TTC28: variants seen among roughly 807,000 people sequenced by gnomAD.
TTC28 encodes tetratricopeptide repeat domain 28, also known as tetratricopeptide repeat protein 28.
TTC28 carries 61 observed loss-of-function variants against 198.0 expected under a neutral mutation model. That is an observed-to-expected ratio of 0.31 (90% confidence interval 0.25 to 0.38). The LOEUF is 0.38. Ranked by LOEUF, TTC28 falls within the 10% of genes least tolerant of loss-of-function variation. The pLI is 1.00. For synonymous variants in TTC28, 1,171 were observed against 1,297.8 expected (o/e 0.90, Z 2.10); for missense variants, 2,678 against 3,164.0 (o/e 0.85, Z 3.69).
At chr22:28,673,705 GGTTA>G (rs1281770957) in intron 1 of TTC28, among the ~76,000 whole-genome samples, 35 of 152,250 alleles carry the variant, frequency 2.3e-4, no homozygotes, top group African/African-American at 8.4e-4. Flanking sequence ...ATAGAAAACT[GGTTA>G]GTGTTTGTTT....
At chr22:28,164,696 T>C (rs1391401824) in intron 5 of TTC28, among the ~76,000 whole-genome samples, 4 of 151,906 alleles carry the variant, frequency 2.6e-5, no homozygotes, top group African/African-American at 9.7e-5. Context: ...ATGGGGAAAA[T>C]ACAAAGCAGA....
chr22:28,112,907 A>G (rs73166793), intron 6 of TTC28, among the ~76,000 whole-genome samples: 5,262 of 152,218 alleles, frequency 0.035, 133 homozygotes, highest in Middle Eastern at 0.061. Flanking sequence ...GAAAGGACAC[A>G]TGGTTATGAA....
intron 2 of TTC28, among the ~76,000 whole-genome samples, chr22:28,408,483 C>T (rs1430201344): frequency 6.6e-6 from 1 of 152,076 alleles, no homozygotes; most frequent in Non-Finnish European, 1.5e-5. Flanking sequence ...CTCTGCTGCG[C>T]AGGTTCAAGC....
intron 5 of TTC28, among the ~76,000 whole-genome samples, chr22:28,256,996 C>T (rs1052302405): frequency 2.0e-5 from 3 of 152,192 alleles, no homozygotes; most frequent in African/African-American, 7.2e-5. Context: ...GCTATGATCA[C>T]ACCACTATAC....
chr22:28,372,747 G>A (rs958106107), intron 2 of TTC28, among the ~76,000 whole-genome samples: 5 of 152,080 alleles, frequency 3.3e-5, no homozygotes, highest in Non-Finnish European at 2.9e-5. Context: ...TGGCCCAGCT[G>A]GCAAACATCT....
chr22:28,593,590 C>T (rs1288885989), intron 2 of TTC28, among the ~76,000 whole-genome samples: 1 of 147,928 alleles, frequency 6.8e-6, no homozygotes. Context: ...TCATCAAATA[C>T]CCGGGAGGGT....
chr22:28,095,747 TA>T (rs1454901588), intron 11 of TTC28, among the ~76,000 whole-genome samples: 1 of 152,214 alleles, frequency 6.6e-6, no homozygotes, highest in Middle Eastern at 3.2e-3. Flanking sequence ...ATTTCAAGCA[TA>T]AGACTTATTT....
At chr22:28,646,547 G>T (rs570244485) in intron 1 of TTC28, among the ~76,000 whole-genome samples, 1 of 152,156 alleles carries the variant, frequency 6.6e-6, no homozygotes, top group Non-Finnish European at 1.5e-5. Context: ...CAGAATTAGA[G>T]ATAGCAACCC....
At chr22:28,573,215 G>A (rs2050091046) in intron 2 of TTC28, among the ~76,000 whole-genome samples, 1 of 151,844 alleles carries the variant, frequency 6.6e-6, no homozygotes, top group African/African-American at 2.4e-5. Flanking sequence ...CCAGCACTTT[G>A]GGAGGCTGAG....
chr22:28,275,588 G>C (rs1469697726), intron 5 of TTC28, among the ~76,000 whole-genome samples: 2 of 151,908 alleles, frequency 1.3e-5, no homozygotes, highest in Admixed American at 6.6e-5. Context: ...ACTTATAATT[G>C]TTTTACATGA....
At chr22:28,645,494 G>T (rs1216356679) in intron 1 of TTC28, among the ~76,000 whole-genome samples, 1 of 151,892 alleles carries the variant, frequency 6.6e-6, no homozygotes, top group Non-Finnish European at 1.5e-5. Flanking sequence ...GGGCGTGGTG[G>T]CATGCGCCTG....
chr22:28,660,554 T>C (rs1258715180), intron 1 of TTC28, among the ~76,000 whole-genome samples: 2 of 151,996 alleles, frequency 1.3e-5, no homozygotes, highest in Non-Finnish European at 2.9e-5. Flanking sequence ...AGATGGAGTC[T>C]CACTCTGTCA....
intron 10 of TTC28, among the ~76,000 whole-genome samples, 172 bp downstream of exon 10, chr22:28,098,743 T>C (rs1942045635): frequency 6.6e-6 from 1 of 152,214 alleles, no homozygotes; most frequent in African/African-American, 2.4e-5. Flanking sequence ...TACTAATCTT[T>C]GTTGAATAAA....
intron 2 of TTC28, among the ~76,000 whole-genome samples, chr22:28,314,973 A>C (rs2045329181): frequency 6.6e-6 from 1 of 152,176 alleles, no homozygotes; most frequent in Non-Finnish European, 1.5e-5. Flanking sequence ...GTTTGTTTGC[A>C]ATACAGTGTT....
At chr22:28,277,697 CATAAGT>C (rs1290030376) in intron 5 of TTC28, among the ~76,000 whole-genome samples, 2 of 152,202 alleles carry the variant, frequency 1.3e-5, no homozygotes, top group East Asian at 1.9e-4. Flanking sequence ...TTTAGAAAAC[CATAAGT>C]ATAACACTTA....
At chr22:28,301,434 T>C (rs148790969) in intron 3 of TTC28, among the ~76,000 whole-genome samples, 2 of 152,332 alleles carry the variant, frequency 1.3e-5, no homozygotes, top group African/African-American at 2.4e-5. Flanking sequence ...TTTTGAAATG[T>C]AAAGGCTTTA....
chr22:28,316,840 C>T (rs2045359806), intron 2 of TTC28, among the ~76,000 whole-genome samples: 1 of 152,160 alleles, frequency 6.6e-6, no homozygotes, highest in Non-Finnish European at 1.5e-5. Flanking sequence ...GATCATGGCT[C>T]ACTGCAGCTT....
At chr22:28,015,274 C>A (rs896391289) in intron 13 of TTC28, among the ~76,000 whole-genome samples, 4 of 152,122 alleles carry the variant, frequency 2.6e-5, no homozygotes, top group African/African-American at 9.7e-5. Context: ...AGGCTGCCCA[C>A]GTGCATCCTC....
intron 2 of TTC28, among the ~76,000 whole-genome samples, chr22:28,335,847 T>C (rs966696551): frequency 5.9e-5 from 9 of 152,228 alleles, no homozygotes; most frequent in African/African-American, 9.6e-5. Context: ...TCCTGCCTGA[T>C]TGCCCTGGCC....
Sources: gnomAD v4.1 joint callset for allele counts (sites outside exome capture counted in the v4.1 genomes callset) on GRCh38, gnomAD v4.1.1 for gene constraint, MANE v1.5 for transcripts, NCBI Gene and HGNC (gene_info 2026-07-23, HGNC 2026-07-21) for gene names.